Variants in FTO observed in about 807,000 individuals in gnomAD.
FTO encodes FTO alpha-ketoglutarate dependent dioxygenase.
Under a neutral mutation model 63.9 loss-of-function variants are expected in FTO, and 47 were observed. That is an observed-to-expected ratio of 0.74 (90% CI 0.58 to 0.94). FTO has a LOEUF of 0.94. Among genes scored for constraint, FTO ranks in the 40% least tolerant of loss-of-function variants. The probability of loss-of-function intolerance (pLI) is 0.00; values close to 1 mark genes in which losing one functional copy is unlikely to be tolerated. For missense variants in FTO, 562 were observed against 618.1 expected, an observed-to-expected ratio of 0.91 and a Z score of 0.96; for synonymous variants, 207 against 224.4, an observed-to-expected ratio of 0.92 and a Z score of 0.69.
chr16:53,887,094 T>A (rs1162613256), intron 6 of FTO: 2 of 152,236 alleles, frequency 1.3e-5, no homozygotes, highest in African/African-American at 4.8e-5. Flanking sequence ...ATGTTGGGAT[T>A]ATTTTAGTTG....
At chr16:53,728,764 C>CTTTT (rs368270837) in intron 1 of FTO, among the ~76,000 whole-genome samples, 11 of 133,896 alleles carry the variant, frequency 8.2e-5, no homozygotes, top group East Asian at 6.5e-4. Context: ...GACCATACTT[C>CTTTT]TTTTTTTTTT....
chr16:53,729,498 G>A (rs949594084), intron 1 of FTO, among the ~76,000 whole-genome samples: 13 of 115,464 alleles, frequency 1.1e-4, no homozygotes, highest in Admixed American at 3.2e-4. Context: ...CTGAGACTCC[G>A]TATCGGGGGG....
intron 7 of FTO, among the ~76,000 whole-genome samples, chr16:53,896,390 T>C (rs1224086424): frequency 1.3e-5 from 2 of 152,056 alleles, no homozygotes; most frequent in Non-Finnish European, 2.9e-5. Context: ...TTATTATAAT[T>C]ACCTCTGAAA....
chr16:53,725,628 A>C (rs1269377126), intron 1 of FTO, among the ~76,000 whole-genome samples: 1 of 152,244 alleles, frequency 6.6e-6, no homozygotes. Flanking sequence ...TTGGTAGAGA[A>C]TAGGGCAATT....
intron 1 of FTO, among the ~76,000 whole-genome samples, chr16:53,757,567 T>G (rs1431217373): frequency 6.6e-6 from 1 of 151,564 alleles, no homozygotes; most frequent in African/African-American, 2.4e-5. Flanking sequence ...ATAATACCTA[T>G]ATTTATATAT....
In FTO at chr16:53,911,584, G is replaced by T. The variant is rs2081707190; in HGVS notation, c.1240-22401G>T. On this transcript the variant is annotated intron_variant, in intron 7 of 8. Transcript: ENST00000471389. Reference sequence around the variant, plus strand: ...CATTTCTCAGAAACCATTCTGTGTGGCACTGATGTTTACAGGTCAACCTGG... The same window carrying T: ...CATTTCTCAGAAACCATTCTGTGTGTCACTGATGTTTACAGGTCAACCTGG... 6.0e-6 allele frequency: 4 copies of T among 669,992 alleles called. No individual in the cohort carries two copies. The Admixed American group carries it at 8.3e-5, about 14-fold the overall frequency. The allele number at this position is 669,992 out of a possible 1,614,324, so 41.5% of individuals were successfully genotyped here.
In FTO at chr16:53,857,440, G is replaced by GTCTCTCTCTC. The variant is rs147635985; in HGVS notation, c.895+13160_895+13169dup. On this transcript the variant is annotated intron_variant, in intron 4 of 8. Coordinates refer to ENST00000471389, the MANE Select transcript of FTO (RefSeq NM_001080432.3). Reference sequence around the variant, plus strand: ...TACTACTAAGCTTTTTGAGAACCTGGTCTCTCTCTCTCTCTCTCTCTCTCT... The same window carrying GTCTCTCTCTC: ...TACTACTAAGCTTTTTGAGAACCTGGTCTCTCTCTCTCTCTCTCTCTCTCTCTCTCTCTCT... 8.7e-3 allele frequency among the ~76,000 whole-genome samples: 1,234 copies of GTCTCTCTCTC among 142,016 alleles called. 20 individuals carry two copies. Among genetic ancestry groups the GTCTCTCTCTC allele is most frequent in the African/African-American group, 0.03 (1,169 of 39,020 alleles). The allele number at this position is 142,016 out of a possible 152,430, so 93.2% of individuals were successfully genotyped here.
intron 8 of FTO, among the ~76,000 whole-genome samples, chr16:54,080,019 G>A (rs541228499): frequency 6.6e-6 from 1 of 152,252 alleles, no homozygotes; most frequent in East Asian, 1.9e-4. Context: ...ACCTGTTCCA[G>A]TTGAATCTGT....
At chr16:54,094,465 C>T (rs2086466309) in intron 8 of FTO, among the ~76,000 whole-genome samples, 1 of 152,204 alleles carries the variant, frequency 6.6e-6, no homozygotes, top group Admixed American at 6.5e-5. Context: ...GCAAACCTTG[C>T]ACTGACTCAG....
rs140265249 is a variant in FTO, at chr16:53,986,410, T to C, written c.1364+52301T>C. On this transcript the variant is annotated intron_variant, in intron 8 of 8. Transcript: ENST00000471389. ...TGCTCCTTTGTGAGGACTAACCATG[T>C]GTCCCCGCCACTTTGCACCAAAGCT... Among the ~76,000 whole-genome samples the C allele has an allele frequency of 2.5e-4, 38 of 152,304 alleles. No homozygotes were observed. In the East Asian group the frequency reaches 7.1e-3, roughly 29 times the overall value.
At chr16:54,080,793 T>C (rs191048019) in intron 8 of FTO, among the ~76,000 whole-genome samples, 2 of 150,970 alleles carry the variant, frequency 1.3e-5, no homozygotes. Flanking sequence ...GACTGACTCA[T>C]GTGCAGTTTG....
chr16:53,765,985 T>A (rs142355331), intron 1 of FTO, among the ~76,000 whole-genome samples: 1 of 152,288 alleles, frequency 6.6e-6, no homozygotes, highest in East Asian at 1.9e-4. Flanking sequence ...TCACTGTGGC[T>A]CTGCGTGAGG....
intron 7 of FTO, chr16:53,911,583 G>A: frequency 1.5e-6 from 1 of 670,774 alleles, no homozygotes; most frequent in South Asian, 1.6e-5. Context: ...CATTCTGTGT[G>A]GCACTGATGT....
chr16:54,097,619 C>T (rs1204787186), intron 8 of FTO, among the ~76,000 whole-genome samples: 3 of 152,198 alleles, frequency 2.0e-5, no homozygotes, highest in African/African-American at 7.2e-5. Context: ...TTGTGCACTC[C>T]ACAGTATTTA....
chr16:53,992,828 T>TAAA (rs1235765010), intron 8 of FTO: 1 of 152,174 alleles, frequency 6.6e-6, no homozygotes, highest in Admixed American at 6.5e-5. Context: ...AGCCTAATAA[T>TAAA]AAAATGAATG....
intron 7 of FTO, among the ~76,000 whole-genome samples, chr16:53,927,357 A>G (rs886153725): frequency 6.6e-6 from 1 of 152,202 alleles, no homozygotes; most frequent in African/African-American, 2.4e-5. Context: ...TAGTGCAGTC[A>G]CCACTCTAGG....
At chr16:53,798,735 C>A (rs78583326) in intron 1 of FTO, among the ~76,000 whole-genome samples, 1 of 152,048 alleles carries the variant, frequency 6.6e-6, no homozygotes, top group Non-Finnish European at 1.5e-5. Flanking sequence ...ATTCTCAATC[C>A]GGATACTTTT....
At chr16:53,993,947 A>C (rs1337546526) in intron 8 of FTO, 1 of 152,232 alleles carries the variant, frequency 6.6e-6, no homozygotes, top group Admixed American at 6.5e-5. Flanking sequence ...AAAAACTTTG[A>C]AACCCAGTTG....
intron 1 of FTO, among the ~76,000 whole-genome samples, chr16:53,709,935 A>G (rs887496773): frequency 2.0e-5 from 3 of 152,200 alleles, no homozygotes; most frequent in African/African-American, 7.2e-5. Context: ...TAACATTGAT[A>G]TAATGCTATT....
Sources: allele counts gnomAD v4.1 joint callset (sites outside exome capture counted in the v4.1 genomes callset), GRCh38; gene constraint gnomAD v4.1.1; transcripts MANE v1.5; gene names NCBI Gene and HGNC (gene_info 2026-07-23, HGNC 2026-07-21).